Variants in ROR1 observed in about 807,000 individuals in gnomAD.
The protein encoded by ROR1 is ROR family WNT receptor 1.
In ROR1, 19 loss-of-function variants were observed where a neutral mutation model predicts 78.8. That is an observed-to-expected ratio of 0.24 (90% CI 0.17 to 0.35). ROR1 has a LOEUF of 0.35. ROR1 is among the 10% of genes least tolerant of loss of function. The pLI, the probability that ROR1 is intolerant of heterozygous loss-of-function variation, is 1.00. For missense variants in ROR1, 917 were observed against 1,177.8 expected, an observed-to-expected ratio of 0.78 and a Z score of 3.24; for synonymous variants, 386 against 433.6, an observed-to-expected ratio of 0.89 and a Z score of 1.36.
chr1:64,037,086 T>A (rs994368638), intron 2 of ROR1, among the ~76,000 whole-genome samples: 4 of 152,144 alleles, frequency 2.6e-5, no homozygotes, highest in African/African-American at 9.7e-5. Context: ...TTGCCTCAAG[T>A]TTTTTTAAAC....
rs577713503 is a variant in ROR1, at chr1:64,024,353, C to T, written c.163+14977C>T. On this transcript the variant is annotated intron_variant, in intron 2 of 8. Coordinates refer to ENST00000371079, the MANE Select transcript of ROR1 (RefSeq NM_005012.4). ...AAAATTAGTAGGGCATGGTGGCATG[C>T]ACCTGTAATCCCAGCTACTTGGGAG... Among the ~76,000 whole-genome samples, 55 of 152,136 alleles carry T rather than the reference C, an allele frequency of 3.6e-4. 1 individual carries two copies. In the South Asian group the frequency reaches 0.011, roughly 30 times the overall value.
intron 4 of ROR1, among the ~76,000 whole-genome samples, chr1:64,062,118 C>A (rs931762742): frequency 1.3e-5 from 2 of 152,176 alleles, no homozygotes; most frequent in Non-Finnish European, 2.9e-5. Context: ...TTTTGCTGGT[C>A]AGTAGCAGAC....
intron 1 of ROR1, among the ~76,000 whole-genome samples, chr1:63,896,922 C>T (rs1465279570): frequency 6.6e-6 from 1 of 152,164 alleles, no homozygotes; most frequent in Non-Finnish European, 1.5e-5. Flanking sequence ...ATCCCTTAAT[C>T]TCTTTGAGGT....
At chr1:63,867,225 C>G (rs892976007) in intron 1 of ROR1, among the ~76,000 whole-genome samples, 1 of 152,178 alleles carries the variant, frequency 6.6e-6, no homozygotes. Flanking sequence ...ATAATTAATA[C>G]TTTTAAAAAA....
chr1:64,074,774 G>T (rs1330096774), intron 4 of ROR1, among the ~76,000 whole-genome samples: 1 of 152,210 alleles, frequency 6.6e-6, no homozygotes, highest in African/African-American at 2.4e-5. Context: ...GTGCAGGCAG[G>T]GCACTAACCT....
Position 64,159,183 on chromosome 1 carries a change from T to G in ROR1, c.1377T>G (p.Tyr459Ter). ...QNVEMSMLNA[Y>*]KPKSKAKELP... ...TAGAGATGTCAATGCTGAATGCATATAAACCCAAGGTAATGTTAGCAGTAC... is the reference window on the plus strand; with the variant it reads ...TAGAGATGTCAATGCTGAATGCATAGAAACCCAAGGTAATGTTAGCAGTAC... The change falls in exon 8 of 9, where the codon TAT becomes TAG. Residue 459 changes from tyrosine (Y) to a stop codon, truncating the protein, a stop_gained. Coordinates refer to ENST00000371079, the MANE Select transcript of ROR1 (RefSeq NM_005012.4). LOFTEE classifies it high-confidence loss of function. 1 of 1,613,090 alleles carries G rather than the reference T, an allele frequency of 6.2e-7. No homozygotes were observed. The highest frequency in any genetic ancestry group is 8.5e-7 in the Non-Finnish European group (1 of 1,179,078).
intron 4 of ROR1, among the ~76,000 whole-genome samples, chr1:64,110,045 C>T (rs1021572164): frequency 1.3e-5 from 2 of 152,204 alleles, no homozygotes; most frequent in Admixed American, 6.6e-5. Context: ...CACTCAGTCT[C>T]CCTGTCTTTG....
chr1:63,859,144 C>T (rs1307507753), intron 1 of ROR1, among the ~76,000 whole-genome samples: 3 of 151,986 alleles, frequency 2.0e-5, no homozygotes, highest in Non-Finnish European at 4.4e-5. Flanking sequence ...GGTTGGGCGC[C>T]CCTCTGCAGG....
chr1:63,970,529 C>G (rs890334831), intron 1 of ROR1, among the ~76,000 whole-genome samples: 29 of 152,134 alleles, frequency 1.9e-4, no homozygotes, highest in African/African-American at 7.0e-4. Flanking sequence ...GGAAGCTCTT[C>G]AACCTCTCTG....
intron 1 of ROR1, among the ~76,000 whole-genome samples, chr1:63,953,057 G>C (rs1478729767): frequency 1.3e-5 from 2 of 152,122 alleles, no homozygotes; most frequent in Non-Finnish European, 2.9e-5. Context: ...ATAATGAAAG[G>C]TGTGATTTAG....
At chr1:63,847,328 C>T (rs548727384) in intron 1 of ROR1, among the ~76,000 whole-genome samples, 1 of 152,328 alleles carries the variant, frequency 6.6e-6, no homozygotes, top group South Asian at 2.1e-4. Flanking sequence ...TCATCCTTCA[C>T]GGTCTACTTC....
At chr1:64,161,085 G>A (rs1470289861) in intron 8 of ROR1, among the ~76,000 whole-genome samples, 1 of 152,124 alleles carries the variant, frequency 6.6e-6, no homozygotes, top group Non-Finnish European at 1.5e-5. Flanking sequence ...ATAGAAAAAA[G>A]GCTAATATAT....
chr1:63,906,325 A>G (rs1056161825), intron 1 of ROR1, among the ~76,000 whole-genome samples: 3 of 152,182 alleles, frequency 2.0e-5, no homozygotes, highest in Admixed American at 2.0e-4. Flanking sequence ...GAAAGCAAGG[A>G]TCATTTTGTA....
At position 64,087,013 on chromosome 1, in the gene ROR1, C is replaced by T. The variant is rs149141324; in HGVS notation, c.482+36297C>T. On this transcript the variant is annotated intron_variant, in intron 4 of 8. Transcript: ENST00000371079. The stretch of plus-strand genomic sequence containing the variant: ...AAGCCCAATTTCTGTATACCATGTA[C>T]TTGAGCCTGAGCAGTGAGGGAATCT... Among the ~76,000 whole-genome samples, 132 of 152,282 alleles carry T rather than the reference C, an allele frequency of 8.7e-4. 2 individuals are homozygous for T. The East Asian group carries it at 0.017, about 20-fold the overall frequency.
At chr1:63,893,850 C>T (rs1414024721) in intron 1 of ROR1, among the ~76,000 whole-genome samples, 1 of 152,116 alleles carries the variant, frequency 6.6e-6, no homozygotes, top group Non-Finnish European at 1.5e-5. Flanking sequence ...TCTATATATA[C>T]TAAACATGAA....
At chr1:63,859,744 G>A (rs559454396) in intron 1 of ROR1, among the ~76,000 whole-genome samples, 8 of 152,274 alleles carry the variant, frequency 5.3e-5, no homozygotes, top group Admixed American at 2.6e-4. Flanking sequence ...TCAATGCATG[G>A]CACTAGAAAG....
At chr1:63,999,239 G>C (rs1646364234) in intron 1 of ROR1, among the ~76,000 whole-genome samples, 3 of 152,240 alleles carry the variant, frequency 2.0e-5, no homozygotes. Flanking sequence ...ACAGATACGT[G>C]ATTATGACAG....
intron 1 of ROR1, among the ~76,000 whole-genome samples, chr1:63,896,022 T>C (rs889993848): frequency 1.3e-5 from 2 of 152,026 alleles, no homozygotes; most frequent in Non-Finnish European, 2.9e-5. Context: ...ATATCCAGCC[T>C]CCTCTAAGAT....
At chr1:63,834,866 G>A (rs1025024021) in intron 1 of ROR1, among the ~76,000 whole-genome samples, 2 of 151,954 alleles carry the variant, frequency 1.3e-5, no homozygotes, top group African/African-American at 2.4e-5. Flanking sequence ...TGCCATTACC[G>A]CCAGCCACTA....
Sources: allele counts gnomAD v4.1 joint callset (sites outside exome capture counted in the v4.1 genomes callset), GRCh38; gene constraint gnomAD v4.1.1; transcripts MANE v1.5; gene names NCBI Gene and HGNC (gene_info 2026-07-23, HGNC 2026-07-21).